The following ADAMTSL1 variants were observed in gnomAD, a reference collection of about 807,000 sequenced individuals.
ADAMTSL1 encodes the protein ADAMTS-like protein 1.
ADAMTSL1 carries 126 observed loss-of-function variants against 201.8 expected under a neutral mutation model. The ratio of observed to expected loss-of-function variants is 0.62; its 90% CI spans 0.54 to 0.72. The LOEUF (loss-of-function observed/expected upper bound fraction) is 0.72. Ranked by LOEUF, ADAMTSL1 falls within the 30% of genes least tolerant of loss-of-function variation. The pLI, the probability that ADAMTSL1 is intolerant of heterozygous loss-of-function variation, is 0.00. For synonymous variants in ADAMTSL1, 1,121 were observed against 903.4 expected, an observed-to-expected ratio of 1.24 and a Z score of -4.32; for missense variants, 2,679 against 2,277.8, an observed-to-expected ratio of 1.18 and a Z score of -3.59.
chr9:18,841,188 C>T lies in ADAMTSL1; in HGVS notation c.4249+11211C>T, dbSNP rs190568346. Among the ~76,000 whole-genome samples the T allele has an allele frequency of 6.9e-4, 105 of 152,068 alleles. 1 individual carries two copies. In the East Asian group the frequency reaches 0.017, roughly 25 times the overall value. On this transcript the variant is annotated intron_variant, in intron 23 of 28. Coordinates refer to ENST00000380548, the MANE Select transcript of ADAMTSL1 (RefSeq NM_001040272.6). ...GGCTGTGGGTTTGTCATAGTTAGTT[C>T]TTATTATTTTGAGATACATCCCATT...
In ADAMTSL1 at chr9:18,689,175, G is replaced by A. The variant is rs1046838421; in HGVS notation, c.1574+4375G>A. Among the ~76,000 whole-genome samples, 11 of 152,202 alleles carry A rather than the reference G, an allele frequency of 7.2e-5. No individual in the cohort carries two copies. In the East Asian group the frequency reaches 1.2e-3, roughly 16 times the overall value. The stretch of plus-strand genomic sequence containing the variant: ...AATTATATTTGTTAATCAGGTGGAA[G>A]CTAAAAAAATTACTGACAGGTTTCC... On this transcript the variant is annotated intron_variant, in intron 13 of 28. Transcript: ENST00000380548.
At chr9:18,171,364 ATTTAC>A (rs1827881066) in intron 2 of ADAMTSL1, among the ~76,000 whole-genome samples, 1 of 152,076 alleles carries the variant, frequency 6.6e-6, no homozygotes, top group Non-Finnish European at 1.5e-5. Context: ...TTGTATAAGA[ATTTAC>A]TTAACTAGGA....
intron 25 of ADAMTSL1, chr9:18,890,501 C>T: frequency 2.2e-6 from 1 of 455,972 alleles, no homozygotes; most frequent in South Asian, 1.5e-5. Context: ...CCTTTACTAC[C>T]TATCTGTAGG....
At chr9:17,943,035 C>T (rs915833356) in intron 1 of ADAMTSL1, among the ~76,000 whole-genome samples, 1 of 152,122 alleles carries the variant, frequency 6.6e-6, no homozygotes, top group Admixed American at 6.6e-5. Context: ...GATCCTCCTG[C>T]TTTAGCCTCC....
intron 1 of ADAMTSL1, among the ~76,000 whole-genome samples, chr9:18,010,064 C>A (rs369623634): frequency 6.6e-6 from 1 of 152,018 alleles, no homozygotes; most frequent in Non-Finnish European, 1.5e-5. Flanking sequence ...ACAACTGATA[C>A]TGTGTGTGGT....
intron 1 of ADAMTSL1, among the ~76,000 whole-genome samples, chr9:18,098,735 T>C (rs1263222407): frequency 6.6e-6 from 1 of 152,194 alleles, no homozygotes; most frequent in Admixed American, 6.5e-5. Context: ...GGCACCTTCT[T>C]TGTGCCTCTC....
intron 3 of ADAMTSL1, among the ~76,000 whole-genome samples, chr9:18,549,458 C>G (rs1008747396): frequency 6.6e-6 from 1 of 151,900 alleles, no homozygotes; most frequent in African/African-American, 2.4e-5. Context: ...ACTAACATAA[C>G]TACTACAGGC....
chr9:18,417,377 A>T (rs540162891), intron 2 of ADAMTSL1, among the ~76,000 whole-genome samples: 1 of 149,128 alleles, frequency 6.7e-6, no homozygotes, highest in African/African-American at 2.4e-5. Context: ...GAAAAAAAAA[A>T]AAAAGAAAAA....
intron 1 of ADAMTSL1, among the ~76,000 whole-genome samples, chr9:18,102,030 GTTTC>G (rs1824551147): frequency 1.3e-5 from 2 of 152,150 alleles, no homozygotes; most frequent in African/African-American, 4.8e-5. Flanking sequence ...ATATTTTTAT[GTTTC>G]TTTCATGTTG....
intron 1 of ADAMTSL1, among the ~76,000 whole-genome samples, chr9:18,095,238 A>G (rs141099069): frequency 1.3e-5 from 2 of 152,186 alleles, no homozygotes; most frequent in Non-Finnish European, 2.9e-5. Flanking sequence ...AAGGGCTCAC[A>G]GCCAATAGAT....
At chr9:18,415,814 A>G (rs7871274) in intron 2 of ADAMTSL1, among the ~76,000 whole-genome samples, 6,951 of 152,140 alleles carry the variant, frequency 0.046, 376 homozygotes, top group African/African-American at 0.12. Context: ...GGAAAATGAC[A>G]TTTTATATAG....
chr9:18,526,758 C>G (rs1439302533), intron 2 of ADAMTSL1, among the ~76,000 whole-genome samples: 1 of 152,114 alleles, frequency 6.6e-6, no homozygotes, highest in Non-Finnish European at 1.5e-5. Context: ...CAGTATAGCT[C>G]CAGTGAGTAC....
intron 3 of ADAMTSL1, among the ~76,000 whole-genome samples, chr9:18,559,188 G>A (rs968340042): frequency 6.6e-6 from 1 of 152,094 alleles, no homozygotes; most frequent in African/African-American, 2.4e-5. Context: ...TTTGTATAAG[G>A]TGTAAGGAAG....
At chr9:18,327,144 T>G (rs1834857265) in intron 2 of ADAMTSL1, among the ~76,000 whole-genome samples, 1 of 152,260 alleles carries the variant, frequency 6.6e-6, no homozygotes, top group Non-Finnish European at 1.5e-5. Flanking sequence ...TTTTTAGTTA[T>G]ATGCAGCTTC....
At chr9:18,347,824 T>TGCGGCATTTAA (rs1252529602) in intron 2 of ADAMTSL1, among the ~76,000 whole-genome samples, 24 of 152,218 alleles carry the variant, frequency 1.6e-4, no homozygotes, top group Middle Eastern at 3.4e-3. Context: ...TTAAGTTAGG[T>TGCGGCATTTAA]GTTGAATGCG....
At chr9:17,968,055 C>T (rs941281024) in intron 1 of ADAMTSL1, among the ~76,000 whole-genome samples, 2 of 152,088 alleles carry the variant, frequency 1.3e-5, no homozygotes, top group South Asian at 4.1e-4. Flanking sequence ...AGGCATTTGT[C>T]TAATGTAGCT....
chr9:18,411,162 CTTTATTTATTTA>C (rs35217994), intron 2 of ADAMTSL1, among the ~76,000 whole-genome samples: 99 of 142,348 alleles, frequency 7.0e-4, no homozygotes, highest in African/African-American at 2.2e-3. Context: ...GCACCCAGCC[CTTTATTTATTTA>C]TTTATTTATT....
intron 1 of ADAMTSL1, among the ~76,000 whole-genome samples, chr9:18,162,199 C>T (rs1359717285): frequency 1.3e-5 from 2 of 151,988 alleles, no homozygotes; most frequent in African/African-American, 4.8e-5. Flanking sequence ...CCTACATGCC[C>T]CTGCCCCTCC....
chr9:18,322,187 G>T (rs537216838), intron 2 of ADAMTSL1, among the ~76,000 whole-genome samples: 7 of 152,174 alleles, frequency 4.6e-5, no homozygotes, highest in South Asian at 2.1e-4. Flanking sequence ...CAGCTGAGTT[G>T]CCCCTTTAAG....
Sources: allele counts gnomAD v4.1 joint callset (sites outside exome capture counted in the v4.1 genomes callset), GRCh38; gene constraint gnomAD v4.1.1; transcripts MANE v1.5; gene names NCBI Gene and HGNC (gene_info 2026-07-23, HGNC 2026-07-21).